The following KCNG2 variants were observed in gnomAD, a reference collection of about 807,000 sequenced individuals.
KCNG2 encodes the protein voltage-gated potassium channel regulatory subunit KCNG2.
In KCNG2, 7 loss-of-function variants were observed where a neutral mutation model predicts 12.3. That is an observed-to-expected ratio of 0.57 (90% CI 0.32 to 1.07). The LOEUF (loss-of-function observed/expected upper bound fraction) is 1.07. Ranked by LOEUF, KCNG2 falls within the 50% of genes least tolerant of loss-of-function variation. The probability of loss-of-function intolerance (pLI) is 0.04; values close to 1 mark genes in which losing one functional copy is unlikely to be tolerated. For synonymous variants in KCNG2, 414 were observed against 351.4 expected, an observed-to-expected ratio of 1.18 and a Z score of -1.99; for missense variants, 703 against 726.0, an observed-to-expected ratio of 0.97 and a Z score of 0.36.
chr18:79,864,075 G>A lies in KCNG2; in HGVS notation c.408G>A (p.Gly136=), dbSNP rs1599404027. 15 of 1,065,626 alleles carry A rather than the reference G, an allele frequency of 1.4e-5. 1 individual carries two copies. In the East Asian group the frequency reaches 9.5e-4, roughly 67 times the overall value. 66.0% of individuals were successfully genotyped at this position (1,065,626 alleles called of 1,614,324 possible). A position where few individuals can be genotyped will look rare whatever the true frequency, so the allele number is the denominator to read the frequency against. The part of the protein sequence containing the change: ...REEEAAEARA[G]PTERGAQGSP... ...AGGAGGCGGCCGAGGCCCGCGCGGG[G>A]CCGACGGAGCGCGGGGCGCAGGGGA... The change falls in exon 3 of 4, where the codon GGG becomes GGA. Residue 136 remains glycine, a synonymous_variant. Coordinates refer to ENST00000316249, the MANE Select transcript of KCNG2 (RefSeq NM_012283.2).
At chr18:79,849,362 T>G (rs932314915) in intron 1 of KCNG2, among the ~76,000 whole-genome samples, 44 of 152,318 alleles carry the variant, frequency 2.9e-4, no homozygotes, top group Admixed American at 5.2e-4. Flanking sequence ...GCGCTGAGCT[T>G]CTGGGGGGCA....
chr18:79,873,958 G>A (rs1432163606), intron 3 of KCNG2, among the ~76,000 whole-genome samples: 1 of 152,238 alleles, frequency 6.6e-6, no homozygotes, highest in Non-Finnish European at 1.5e-5. Context: ...CACGTTTCGG[G>A]CCACTTCGGG....
At chr18:79,808,117 G>T (rs2087466761) in intron 1 of KCNG2, among the ~76,000 whole-genome samples, 1 of 124,350 alleles carries the variant, frequency 8.0e-6, no homozygotes, top group Non-Finnish European at 1.7e-5. Context: ...TGGGCCCAGA[G>T]TCCGCGCTCT....
At chr18:79,898,013 G>A (rs1981039298) in intron 3 of KCNG2, among the ~76,000 whole-genome samples, 1 of 152,096 alleles carries the variant, frequency 6.6e-6, no homozygotes, top group Non-Finnish European at 1.5e-5. Flanking sequence ...CCCCAGGAGG[G>A]CTCCTGCCAG....
At chr18:79,841,626 G>A (rs546940082) in intron 1 of KCNG2, among the ~76,000 whole-genome samples, 82 of 152,288 alleles carry the variant, frequency 5.4e-4, no homozygotes, top group African/African-American at 1.9e-3. Context: ...GAGAATAGAT[G>A]ACAAAGAAGT....
intron 3 of KCNG2, among the ~76,000 whole-genome samples, chr18:79,891,580 T>C (rs537753267): frequency 3.3e-5 from 5 of 152,234 alleles, no homozygotes; most frequent in Non-Finnish European, 7.3e-5. Flanking sequence ...CGTTGTGTCT[T>C]CATTCTTACT....
At chr18:79,877,425 G>A (rs770735034) in intron 3 of KCNG2, among the ~76,000 whole-genome samples, 2 of 152,118 alleles carry the variant, frequency 1.3e-5, no homozygotes, top group South Asian at 2.1e-4. Context: ...GCCAAGGGAT[G>A]CAGAAGGCTG....
chr18:79,828,428 A>G (rs777179855), intron 1 of KCNG2, among the ~76,000 whole-genome samples: 1 of 132,224 alleles, frequency 7.6e-6, no homozygotes, highest in Admixed American at 8.4e-5. Flanking sequence ...GTTTGGGTGC[A>G]TCTGTGTGCA....
At chr18:79,823,116 G>A (rs917639594) in intron 1 of KCNG2, among the ~76,000 whole-genome samples, 1 of 152,198 alleles carries the variant, frequency 6.6e-6, no homozygotes, top group African/African-American at 2.4e-5. Flanking sequence ...TACACCATGG[G>A]TGGCAAATCT....
intron 1 of KCNG2, among the ~76,000 whole-genome samples, chr18:79,844,210 TAC>T (rs1216328727): frequency 4.6e-5 from 7 of 152,296 alleles, no homozygotes; most frequent in Admixed American, 2.0e-4. Flanking sequence ...TATTGACATA[TAC>T]ACACAGAGAC....
chr18:79,875,097 C>T (rs920698796), intron 3 of KCNG2, among the ~76,000 whole-genome samples: 10 of 152,190 alleles, frequency 6.6e-5, no homozygotes, highest in African/African-American at 1.9e-4. Context: ...AGAATCTCTT[C>T]GCCAGGGTGG....
chr18:79,849,639 C>T (rs184789335), intron 1 of KCNG2, among the ~76,000 whole-genome samples: 4 of 152,250 alleles, frequency 2.6e-5, no homozygotes, highest in African/African-American at 9.6e-5. Context: ...GAGGGCCCAG[C>T]GCGGACGCTT....
chr18:79,899,183 C>G lies in KCNG2; in HGVS notation c.768C>G (p.Ile256Met). The change falls in exon 4 of 4, where the codon ATC becomes ATG. Residue 256 changes from isoleucine to methionine, a missense_variant. Physicochemically the swap from Ile to Met is conservative, Grantham distance 10 (BLOSUM62 1). Coordinates refer to ENST00000316249, the MANE Select transcript of KCNG2 (RefSeq NM_012283.2). ...FLRAPLNIID[I>M]LALLPFYVSL... ...GCGCGCCACTCAACATCATTGACAT[C>G]CTGGCGCTCCTGCCGTTCTACGTGT... The G allele has an allele frequency of 6.2e-7, 1 of 1,604,600 alleles. No homozygotes were observed. The highest frequency in any genetic ancestry group is 8.5e-7 in the Non-Finnish European group (1 of 1,179,526).
chr18:79,807,635 G>A (rs1032226744), intron 1 of KCNG2, among the ~76,000 whole-genome samples: 6 of 152,116 alleles, frequency 3.9e-5, no homozygotes, highest in Admixed American at 1.3e-4. Flanking sequence ...CCCTCCCGCC[G>A]CAGCACACGC....
Position 79,881,920 on chromosome 18 carries a change from C to T in KCNG2, c.625-17120C>T, listed in dbSNP as rs183852699. Reference sequence around the variant, plus strand: ...ATAGAACCACATGAATGGGGCCAGCCGGCGTTTGGCAAAGTGAAAAGGCCG... The same window carrying T: ...ATAGAACCACATGAATGGGGCCAGCTGGCGTTTGGCAAAGTGAAAAGGCCG... On this transcript the variant is annotated intron_variant, in intron 3 of 3. Transcript: ENST00000316249. Among the ~76,000 whole-genome samples, 978 of 152,216 alleles carry T rather than the reference C, an allele frequency of 6.4e-3. 7 individuals are homozygous for T. Among genetic ancestry groups the T allele is most frequent in the South Asian group, 0.039 (187 of 4,820 alleles).
At chr18:79,865,862 G>A (rs190280594) in intron 3 of KCNG2, among the ~76,000 whole-genome samples, 87 of 65,376 alleles carry the variant, frequency 1.3e-3, no homozygotes, top group East Asian at 2.6e-3. Context: ...GTGCTGAGAG[G>A]TCTGTGGGCT....
chr18:79,847,230 C>G (rs112719356), intron 1 of KCNG2, among the ~76,000 whole-genome samples: 3 of 152,224 alleles, frequency 2.0e-5, no homozygotes, highest in Non-Finnish European at 4.4e-5. Context: ...ACAAGGTCCC[C>G]CAGGTGCCTT....
At chr18:79,878,837 C>T (rs1364698885) in intron 3 of KCNG2, among the ~76,000 whole-genome samples, 2 of 152,204 alleles carry the variant, frequency 1.3e-5, no homozygotes, top group Admixed American at 1.3e-4. Context: ...AGATGGTGGC[C>T]GTGGCTGTGG....
At chr18:79,805,061 T>C (rs1389712972) in intron 1 of KCNG2, among the ~76,000 whole-genome samples, 2 of 152,248 alleles carry the variant, frequency 1.3e-5, no homozygotes, top group East Asian at 3.8e-4. Flanking sequence ...TGTTTCTGTG[T>C]CCTCCTGTTA....
Sources: gnomAD v4.1 joint callset for allele counts (sites outside exome capture counted in the v4.1 genomes callset) on GRCh38, gnomAD v4.1.1 for gene constraint, MANE v1.5 for transcripts, NCBI Gene and HGNC (gene_info 2026-07-23, HGNC 2026-07-21) for gene names.